KLF8: variants seen among roughly 807,000 people sequenced by gnomAD.
KLF8 encodes the protein Krueppel-like factor 8.
In KLF8, 10 loss-of-function variants were observed where a neutral mutation model predicts 18.2. The observed-to-expected ratio is 0.55, with a 90% CI of 0.34 to 0.93. The LOEUF (loss-of-function observed/expected upper bound fraction) is 0.93. KLF8 is among the 40% of genes least tolerant of loss of function. KLF8 has a pLI of 0.02. For synonymous variants in KLF8, 109 were observed against 97.3 expected (o/e 1.12, Z -0.71); for missense variants, 264 against 277.9 (o/e 0.95, Z 0.36).
At chrX:56,022,030 C>A in the KLF8 span, among the ~76,000 whole-genome samples, 2 of 108,991 alleles carry the variant, frequency 1.8e-5, no homozygotes, top group Non-Finnish European at 3.8e-5. Flanking sequence ...ACAATTTAAA[C>A]CAAAACAAAA....
chrX:56,100,738 G>A, the KLF8 span, among the ~76,000 whole-genome samples: 1 of 112,106 alleles, frequency 8.9e-6, no homozygotes, highest in African/African-American at 3.2e-5. Context: ...ACTAGAATTA[G>A]AAGTAGAGCC....
At chrX:55,937,350 C>T in the KLF8 span, among the ~76,000 whole-genome samples, 2 of 111,852 alleles carry the variant, frequency 1.8e-5, no homozygotes, top group African/African-American at 6.5e-5. Flanking sequence ...ACAGAAAGGA[C>T]ATCCACACCA....
chrX:56,024,470 C>T, the KLF8 span, among the ~76,000 whole-genome samples: 11 of 111,294 alleles, frequency 9.9e-5, no homozygotes, highest in African/African-American at 3.6e-4. Flanking sequence ...TGCAGCAGGA[C>T]GAGCCACGGA....
the KLF8 span, among the ~76,000 whole-genome samples, chrX:56,050,201 A>G: frequency 9.1e-6 from 1 of 110,031 alleles, no homozygotes; most frequent in Non-Finnish European, 1.9e-5. Context: ...AATTTTGTTG[A>G]TCCTTTCAAA....
the KLF8 span, among the ~76,000 whole-genome samples, chrX:55,930,799 C>T: frequency 9.0e-6 from 1 of 111,138 alleles, no homozygotes; most frequent in Non-Finnish European, 1.9e-5. Flanking sequence ...TATTTTATTG[C>T]GGATTTTTGC....
the KLF8 span, among the ~76,000 whole-genome samples, chrX:56,145,683 A>G: frequency 8.9e-6 from 1 of 112,408 alleles, no homozygotes; most frequent in Non-Finnish European, 1.9e-5. Context: ...ACATTGTGCT[A>G]CATGTATACA....
At chrX:56,077,888 T>G in the KLF8 span, among the ~76,000 whole-genome samples, 2 of 109,794 alleles carry the variant, frequency 1.8e-5, no homozygotes, top group African/African-American at 6.9e-5. Flanking sequence ...CTAGGTATTT[T>G]ATTCTCTTTG....
chrX:55,998,373 T>A, the KLF8 span, among the ~76,000 whole-genome samples: 1 of 112,010 alleles, frequency 8.9e-6, no homozygotes, highest in African/African-American at 3.2e-5. Flanking sequence ...AGGCCATATT[T>A]CAGACTATTA....
the KLF8 span, among the ~76,000 whole-genome samples, chrX:56,179,614 A>G: frequency 8.9e-6 from 1 of 111,946 alleles, no homozygotes; most frequent in Non-Finnish European, 1.9e-5. Context: ...TTAGTATTAT[A>G]TTGGCTGCAG....
At chrX:56,202,559 T>TTCC in the KLF8 span, among the ~76,000 whole-genome samples, 3 of 75,800 alleles carry the variant, frequency 4.0e-5, no homozygotes, top group Non-Finnish European at 7.9e-5. Context: ...CCATTAACCT[T>TTCC]CCCCCCCCCT....
At chrX:56,069,031 C>G in the KLF8 span, among the ~76,000 whole-genome samples, 1 of 111,486 alleles carries the variant, frequency 9.0e-6, no homozygotes, top group East Asian at 2.9e-4. Context: ...ATTAGAGTTT[C>G]TAGCCCAGCA....
At chrX:55,912,618 C>T in the KLF8 span, among the ~76,000 whole-genome samples, 1 of 111,344 alleles carries the variant, frequency 9.0e-6, no homozygotes, top group Middle Eastern at 4.6e-3. Flanking sequence ...AGTACCTTAT[C>T]CAAGATCATA....
chrX:56,111,479 G>T, the KLF8 span, among the ~76,000 whole-genome samples: 1 of 111,954 alleles, frequency 8.9e-6, no homozygotes, highest in Non-Finnish European at 1.9e-5. Flanking sequence ...ATTGACAAAT[G>T]GGATCTAATT....
intron 2 of KLF8, among the ~76,000 whole-genome samples, chrX:56,261,274 A>C (rs771624226): frequency 4.7e-4 from 53 of 111,695 alleles, no homozygotes; most frequent in Non-Finnish European, 7.9e-4. Flanking sequence ...TTGTCTTCAA[A>C]CCACCCCTAA....
At chrX:55,940,628 C>A in the KLF8 span, among the ~76,000 whole-genome samples, 1 of 111,319 alleles carries the variant, frequency 9.0e-6, no homozygotes, top group South Asian at 3.8e-4. Context: ...TCTAGAAAAC[C>A]CCATTGTCTC....
At chrX:56,280,499 G>A (rs948454477) in intron 5 of KLF8, among the ~76,000 whole-genome samples, 2 of 112,460 alleles carry the variant, frequency 1.8e-5, no homozygotes, top group African/African-American at 6.5e-5. Context: ...GCTTCCCAAA[G>A]TGGTTGGGAT....
chrX:56,156,083 C>T, the KLF8 span, among the ~76,000 whole-genome samples: 2 of 111,921 alleles, frequency 1.8e-5, no homozygotes, highest in Admixed American at 9.5e-5. Context: ...GATTGCATGT[C>T]TTTGTTATTA....
chrX:56,081,491 T>G, the KLF8 span, among the ~76,000 whole-genome samples: 2 of 112,165 alleles, frequency 1.8e-5, no homozygotes, highest in Non-Finnish European at 3.8e-5. Flanking sequence ...GCCTAATTGC[T>G]CCAGCTAAAA....
intron 1 of KLF8, among the ~76,000 whole-genome samples, chrX:56,240,626 A>G (rs2066531267): frequency 9.0e-6 from 1 of 111,461 alleles, no homozygotes; most frequent in Non-Finnish European, 1.9e-5. Context: ...CTCTGTACAT[A>G]TATTCAATAT....
Sources: gnomAD v4.1 joint callset for allele counts (sites outside exome capture counted in the v4.1 genomes callset) on GRCh38, gnomAD v4.1.1 for gene constraint, MANE v1.5 for transcripts, NCBI Gene and HGNC (gene_info 2026-07-23, HGNC 2026-07-21) for gene names.